HHLA2: variants seen among roughly 807,000 people sequenced by gnomAD.
HHLA2 encodes HHLA2 member of B7 family.
Under a neutral mutation model 45.9 loss-of-function variants are expected in HHLA2, and 48 were observed. The ratio of observed to expected loss-of-function variants is 1.05; its 90% CI spans 0.83 to 1.33. HHLA2 has a LOEUF of 1.33. Ranked by LOEUF, HHLA2 falls within the 40% of genes most tolerant of loss-of-function variation. The pLI is 0.00. For missense variants in HHLA2, 462 were observed against 494.3 expected (o/e 0.93, Z 0.62); for synonymous variants, 161 against 173.9 (o/e 0.93, Z 0.59).
chr3:108,332,552 C>T (rs1449438718), intron 3 of HHLA2, among the ~76,000 whole-genome samples: 1 of 152,156 alleles, frequency 6.6e-6, no homozygotes, highest in Non-Finnish European at 1.5e-5. Flanking sequence ...AGTAGAGTTG[C>T]TGAGACAAAG....
At chr3:108,316,250 GGAA>G (rs1265846148) in intron 2 of HHLA2, among the ~76,000 whole-genome samples, 1 of 152,130 alleles carries the variant, frequency 6.6e-6, no homozygotes, top group Non-Finnish European at 1.5e-5. Flanking sequence ...CAGAAAGAAG[GGAA>G]GAAGTTCCTC....
intron 8 of HHLA2, among the ~76,000 whole-genome samples, chr3:108,365,847 T>TCA (rs2082054874): frequency 6.6e-6 from 1 of 152,246 alleles, no homozygotes; most frequent in Non-Finnish European, 1.5e-5. Context: ...TCCTGAGACT[T>TCA]TACTGAAGTT....
intron 1 of HHLA2, among the ~76,000 whole-genome samples, chr3:108,296,878 A>G (rs1051299649): frequency 6.6e-6 from 1 of 152,260 alleles, no homozygotes; most frequent in African/African-American, 2.4e-5. Flanking sequence ...ACAGTGAAAG[A>G]GGGATGAGCA....
At chr3:108,358,222 T>C in intron 7 of HHLA2, 61 bp downstream of exon 6, 1 of 1,215,098 alleles carries the variant, frequency 8.2e-7, no homozygotes, top group Non-Finnish European at 1.2e-6. Context: ...TTTGTGAATA[T>C]CAAAGAGAAA....
intron 2 of HHLA2, chr3:108,326,076 T>C: frequency 3.6e-6 from 1 of 278,644 alleles, no homozygotes; most frequent in South Asian, 4.5e-5. Context: ...TTCCATACTG[T>C]TCAAAATTAT....
In HHLA2 at chr3:108,351,862, C is replaced by G. The variant is rs751893085; in HGVS notation, c.49C>G (p.Leu17Val). ...TTTCTTCCTCATTCTCATAACATCT[C>G]TGAGTGGATCTCAAGGTAATTTCGT... The change falls in exon 4 of 11, where the codon CTG (leucine) becomes GTG (valine). Residue 17 changes from leucine to valine, a missense_variant. Leu to Val is a conservative substitution (Grantham distance 32, BLOSUM62 1). Coordinates refer to ENST00000619531, the Ensembl canonical transcript of HHLA2. The G allele has an allele frequency of 1.2e-5, 19 of 1,610,208 alleles. No individual in the cohort carries two copies. The Admixed American group carries it at 3.2e-4, about 27-fold the overall frequency.
intron 3 of HHLA2, among the ~76,000 whole-genome samples, chr3:108,330,392 C>A (rs1052845601): frequency 6.6e-6 from 1 of 152,202 alleles, no homozygotes; most frequent in Non-Finnish European, 1.5e-5. Flanking sequence ...TTAATGTGGG[C>A]TGCACCTGTG....
chr3:108,338,927 A>G (rs1024185988), intron 3 of HHLA2, among the ~76,000 whole-genome samples: 1 of 152,244 alleles, frequency 6.6e-6, no homozygotes, highest in Non-Finnish European at 1.5e-5. Context: ...GATGTATTAC[A>G]TATTCAAATC....
At chr3:108,357,845 T>C (rs1234086122) in exon 7 of HHLA2, 1 of 1,601,248 alleles carries the variant, frequency 6.2e-7, no homozygotes, top group African/African-American at 1.3e-5. Flanking sequence ...TGTTGTTAGA[T>C]GGCCTTCATA....
At chr3:108,376,433 A>C (rs1287373977) in intron 9 of HHLA2, 60 bp from the exon 9 acceptor site, 5 of 1,312,048 alleles carry the variant, frequency 3.8e-6, no homozygotes. Flanking sequence ...GATAGGACTA[A>C]GGGAGAATTT....
chr3:108,372,575 C>T (rs530055248), intron 8 of HHLA2, among the ~76,000 whole-genome samples: 3,115 of 149,592 alleles, frequency 0.021, 100 homozygotes, highest in African/African-American at 0.071. Context: ...ATTGATAGAC[C>T]GCTAGCAAGA....
In HHLA2 at chr3:108,358,105, T is replaced by A; in HGVS notation, c.947T>A (p.Leu316Ter). ...AATCTTTCAGACAGTGGGGAATATT[T>A]ATGCAATATTTCTTCGGATGAATAT... is the stretch of plus-strand genomic sequence containing the variant. Residue 316 changes from leucine to a stop codon, truncating the protein, a stop_gained, in exon 7 of 11, where the codon TTA becomes TAA. Transcript: ENST00000619531. LOFTEE classifies it high-confidence loss of function. The A allele has an allele frequency of 1.2e-6, 2 of 1,613,230 alleles. No individual in the cohort carries two copies. Among genetic ancestry groups the A allele is most frequent in the Non-Finnish European group, 1.7e-6 (2 of 1,179,394 alleles).
chr3:108,311,008 A>T (rs972172165), intron 2 of HHLA2, among the ~76,000 whole-genome samples: 1 of 152,204 alleles, frequency 6.6e-6, no homozygotes, highest in Non-Finnish European at 1.5e-5. Context: ...AATTAAGAAC[A>T]TTTACAGAAA....
intron 3 of HHLA2, among the ~76,000 whole-genome samples, chr3:108,343,854 T>C (rs563823811): frequency 2.6e-5 from 4 of 152,332 alleles, no homozygotes; most frequent in Admixed American, 2.0e-4. Flanking sequence ...TAAACTTAAA[T>C]TGACATTGGA....
At chr3:108,326,840 A>G (rs2081298076) in intron 2 of HHLA2, 1 of 152,316 alleles carries the variant, frequency 6.6e-6, no homozygotes, top group Admixed American at 6.5e-5. Flanking sequence ...AGAGACTTTA[A>G]TGATGCTTCT....
chr3:108,377,353 C>A, exon 11 of HHLA2: 1 of 1,139,100 alleles, frequency 8.8e-7, no homozygotes, highest in Non-Finnish European at 1.3e-6. Flanking sequence ...CTTTCTTCAC[C>A]ACAATTCCAG....
chr3:108,348,834 T>C (rs2081720762), intron 3 of HHLA2, among the ~76,000 whole-genome samples: 2 of 151,654 alleles, frequency 1.3e-5, no homozygotes, highest in South Asian at 2.1e-4. Context: ...GTGTGTGATG[T>C]TCCCCTCCCT....
rs559403503 is a variant in HHLA2, at chr3:108,335,444, G to A, written c.-27+7097G>A. ...TTTTGCAGCTTTAGAGTCTCTGACA[G>A]GGCTAACCCTAAAAGACGATGGAGA... is the stretch of plus-strand genomic sequence containing the variant. On this transcript the variant is annotated intron_variant, in intron 3 of 10. Transcript: ENST00000619531. Among the ~76,000 whole-genome samples the A allele has an allele frequency of 3.3e-5, 5 of 152,268 alleles. 1 individual carries two copies. The highest frequency in any genetic ancestry group is 1.2e-4 in the African/African-American group (5 of 41,560).
chr3:108,306,688 G>T (rs1427213903), intron 1 of HHLA2, among the ~76,000 whole-genome samples: 1 of 152,084 alleles, frequency 6.6e-6, no homozygotes, highest in African/African-American at 2.4e-5. Context: ...TTTATCTGTA[G>T]TTAGGCCAAC....
Sources: allele counts gnomAD v4.1 joint callset (sites outside exome capture counted in the v4.1 genomes callset), GRCh38; gene constraint gnomAD v4.1.1; transcripts MANE v1.5; gene names NCBI Gene and HGNC (gene_info 2026-07-23, HGNC 2026-07-21).